DOK6: variants seen among roughly 807,000 people sequenced by gnomAD.
The protein encoded by DOK6 is docking protein 6.
In DOK6, 22 loss-of-function variants were observed where a neutral mutation model predicts 44.0. That is an observed-to-expected ratio of 0.50 (90% confidence interval 0.36 to 0.71). The LOEUF is 0.71. DOK6 is among the 30% of genes least tolerant of loss of function. The pLI is 0.00. For missense variants in DOK6, 340 were observed against 416.4 expected (o/e 0.82, Z 1.60); for synonymous variants, 166 against 145.5 (o/e 1.14, Z -1.01).
At chr18:69,403,025 G>A (rs1916132926) in intron 1 of DOK6, among the ~76,000 whole-genome samples, 1 of 152,162 alleles carries the variant, frequency 6.6e-6, no homozygotes, top group African/African-American at 2.4e-5. Context: ...CTTGACCTTT[G>A]AAGCCCTTTG....
intron 3 of DOK6, among the ~76,000 whole-genome samples, chr18:69,609,350 C>T (rs937942487): frequency 6.6e-6 from 1 of 152,058 alleles, no homozygotes; most frequent in African/African-American, 2.4e-5. Flanking sequence ...AAACATCTTT[C>T]CAAAGAAGAC....
chr18:69,766,212 G>T (rs1443558440), intron 7 of DOK6, among the ~76,000 whole-genome samples: 1 of 152,158 alleles, frequency 6.6e-6, no homozygotes, highest in Non-Finnish European at 1.5e-5. Flanking sequence ...CTAAACATTG[G>T]TTACACATGG....
intron 7 of DOK6, among the ~76,000 whole-genome samples, chr18:69,835,693 A>G (rs1320275847): frequency 6.6e-6 from 1 of 152,146 alleles, no homozygotes; most frequent in African/African-American, 2.4e-5. Flanking sequence ...GTGTCTATCT[A>G]GGCCCAACTG....
intron 6 of DOK6, among the ~76,000 whole-genome samples, chr18:69,746,504 G>T (rs1357874064): frequency 6.6e-6 from 1 of 152,062 alleles, no homozygotes; most frequent in Admixed American, 6.5e-5. Flanking sequence ...AATCTGCCCA[G>T]TTTGGCCTCC....
chr18:69,689,057 A>T (rs1355345765), intron 4 of DOK6, among the ~76,000 whole-genome samples: 1 of 152,238 alleles, frequency 6.6e-6, no homozygotes, highest in Non-Finnish European at 1.5e-5. Flanking sequence ...AGTGCCATCA[A>T]AAAATTAAAA....
intron 3 of DOK6, among the ~76,000 whole-genome samples, chr18:69,634,380 A>C (rs1275464337): frequency 6.6e-6 from 1 of 152,160 alleles, no homozygotes; most frequent in Admixed American, 6.5e-5. Context: ...ACATTTAAAA[A>C]CTGATCATGC....
intron 5 of DOK6, among the ~76,000 whole-genome samples, chr18:69,710,003 C>T (rs1173331383): frequency 1.3e-5 from 2 of 152,162 alleles, no homozygotes; most frequent in Non-Finnish European, 2.9e-5. Flanking sequence ...CATAGTGAGA[C>T]TGCTTCTCTA....
chr18:69,560,039 C>T (rs148035509), intron 1 of DOK6, among the ~76,000 whole-genome samples: 38 of 152,158 alleles, frequency 2.5e-4, no homozygotes, highest in African/African-American at 7.5e-4. Context: ...GGATGCAGTT[C>T]AGTCATGGCA....
chr18:69,831,016 A>G (rs1384368352), intron 7 of DOK6: 1 of 152,138 alleles, frequency 6.6e-6, no homozygotes, highest in African/African-American at 2.4e-5. Flanking sequence ...ATACATATAG[A>G]TATATAAGAG....
intron 3 of DOK6, among the ~76,000 whole-genome samples, chr18:69,635,375 T>C (rs1984781870): frequency 6.6e-6 from 1 of 152,212 alleles, no homozygotes; most frequent in Non-Finnish European, 1.5e-5. Flanking sequence ...CTGAGATGTG[T>C]ATAAGCGTAA....
At chr18:69,550,778 T>C (rs1402838294) in intron 1 of DOK6, among the ~76,000 whole-genome samples, 187 of 3,292 alleles carry the variant, frequency 0.057, no homozygotes, top group Admixed American at 0.11. Flanking sequence ...TGTTTCTTTC[T>C]TTTTTTTTTT....
chr18:69,436,084 T>C (rs1447455296), intron 1 of DOK6, among the ~76,000 whole-genome samples: 24 of 152,176 alleles, frequency 1.6e-4, no homozygotes, highest in Admixed American at 1.6e-3. Flanking sequence ...TTTAAAACCT[T>C]AGTTCTATAT....
chr18:69,685,747 T>C (rs1986139466), intron 4 of DOK6, among the ~76,000 whole-genome samples: 1 of 152,234 alleles, frequency 6.6e-6, no homozygotes, highest in African/African-American at 2.4e-5. Context: ...ATTTGCCCAT[T>C]GCTTGAAAAG....
intron 3 of DOK6, among the ~76,000 whole-genome samples, chr18:69,640,200 G>C (rs1004303153): frequency 2.0e-5 from 3 of 152,188 alleles, no homozygotes; most frequent in African/African-American, 7.2e-5. Context: ...AATTCACAAT[G>C]ATGTGCAAAA....
intron 2 of DOK6, among the ~76,000 whole-genome samples, chr18:69,580,608 T>C (rs1326156463): frequency 6.6e-6 from 1 of 152,232 alleles, no homozygotes; most frequent in East Asian, 1.9e-4. Flanking sequence ...TTGATACATG[T>C]GTACAAAGTA....
At chr18:69,821,884 C>T (rs988164851) in intron 7 of DOK6, among the ~76,000 whole-genome samples, 1 of 151,350 alleles carries the variant, frequency 6.6e-6, no homozygotes, top group Non-Finnish European at 1.5e-5. Context: ...ATTTAAACAA[C>T]ACTTCTCAGG....
intron 7 of DOK6, among the ~76,000 whole-genome samples, chr18:69,794,505 C>T (rs1356383700): frequency 2.6e-5 from 4 of 152,080 alleles, no homozygotes; most frequent in Admixed American, 1.3e-4. Flanking sequence ...GCAGTGGGAA[C>T]ATTGACAATG....
rs77429122 is a variant in DOK6 at position 69,660,395 on chromosome 18, C to G, written c.290-17339C>G. Reference sequence around the variant, plus strand: ...TAACATAAATTTCAACTCCACAATACAAGTCTCAATGAGGCTAACCACTTT... The same window carrying G: ...TAACATAAATTTCAACTCCACAATAGAAGTCTCAATGAGGCTAACCACTTT... On this transcript the variant is annotated intron_variant, in intron 3 of 7. Coordinates refer to ENST00000382713, the MANE Select transcript of DOK6 (RefSeq NM_152721.6). 1.9e-3 allele frequency: 294 copies of G among 152,280 alleles called. 3 individuals carry two copies. The highest frequency in any genetic ancestry group is 7.0e-3 in the African/African-American group (289 of 41,570). The allele number at this position is 152,280 out of a possible 1,614,324, so 9.4% of individuals were successfully genotyped here.
Position 69,437,810 on chromosome 18 carries a change from T to G in DOK6, c.66+36500T>G, listed in dbSNP as rs113652349. On this transcript the variant is annotated intron_variant, in intron 1 of 7. Transcript: ENST00000382713. ...AGGCATATCTTAAAAATGTTATTGG[T>G]TCAGTTCTAGACCACCACAGTAAAG... Among the ~76,000 whole-genome samples, 22 of 152,282 alleles carry G rather than the reference T, an allele frequency of 1.4e-4. 1 individual carries two copies. Among genetic ancestry groups the G allele is most frequent in the African/African-American group, 5.1e-4 (21 of 41,568 alleles).
Sources: allele counts gnomAD v4.1 joint callset (sites outside exome capture counted in the v4.1 genomes callset), GRCh38; gene constraint gnomAD v4.1.1; transcripts MANE v1.5; gene names NCBI Gene and HGNC (gene_info 2026-07-23, HGNC 2026-07-21).